ENOX1: variants seen among roughly 807,000 people sequenced by gnomAD.
ENOX1 encodes ecto-NOX disulfide-thiol exchanger 1, also known as candidate growth-related and time keeping constitutive hydroquinone (NADH) oxidase.
A neutral mutation model predicts 82.5 loss-of-function variants in ENOX1; 42 were observed. That is an observed-to-expected ratio of 0.51 (90% CI 0.40 to 0.66). The LOEUF (loss-of-function observed/expected upper bound fraction) is 0.66. Ranked by LOEUF, ENOX1 falls within the 30% of genes least tolerant of loss-of-function variation. The pLI is 0.00. For synonymous variants in ENOX1, 271 were observed against 282.2 expected (o/e 0.96, Z 0.40); for missense variants, 608 against 811.6 (o/e 0.75, Z 3.05).
intron 5 of ENOX1, among the ~76,000 whole-genome samples, chr13:43,398,066 C>T (rs1304327970): frequency 2.6e-5 from 4 of 152,166 alleles, no homozygotes; most frequent in Non-Finnish European, 5.9e-5. Context: ...AAGGCTCTGC[C>T]TTTATGACTT....
At chr13:43,513,893 A>C (rs1339400405) in intron 2 of ENOX1, among the ~76,000 whole-genome samples, 1 of 152,176 alleles carries the variant, frequency 6.6e-6, no homozygotes, top group Non-Finnish European at 1.5e-5. Flanking sequence ...CAAAACTATG[A>C]TTCTGCATTA....
chr13:43,622,120 G>T (rs9567236), intron 2 of ENOX1, among the ~76,000 whole-genome samples: 111,432 of 151,964 alleles, frequency 0.73, 41,030 homozygotes, highest in East Asian at 0.95. Flanking sequence ...AAGCTATCTA[G>T]TTCCTTGAAT....
intron 3 of ENOX1, among the ~76,000 whole-genome samples, chr13:43,439,986 T>C (rs1190050807): frequency 6.6e-6 from 1 of 152,242 alleles, no homozygotes; most frequent in African/African-American, 2.4e-5. Context: ...CATGTTTATA[T>C]ATATGTATAT....
intron 8 of ENOX1, among the ~76,000 whole-genome samples, chr13:43,348,108 T>C (rs2049515218): frequency 6.6e-6 from 1 of 152,226 alleles, no homozygotes; most frequent in Non-Finnish European, 1.5e-5. Flanking sequence ...GCACTTATCC[T>C]TGGGTCTCTC....
chr13:43,776,823 GA>G (rs372000193), intron 1 of ENOX1, among the ~76,000 whole-genome samples: 7,243 of 139,592 alleles, frequency 0.052, 148 homozygotes, highest in East Asian at 0.086. Flanking sequence ...CACAGCTAGG[GA>G]AAAAAAAAAA....
At chr13:43,464,170 G>T (rs908047023) in intron 3 of ENOX1, among the ~76,000 whole-genome samples, 43 of 152,204 alleles carry the variant, frequency 2.8e-4, no homozygotes, top group African/African-American at 9.4e-4. Context: ...GCTTGAGAAT[G>T]GTCTTCCAAG....
At chr13:43,709,928 GTTT>G (rs2087575598) in intron 1 of ENOX1, among the ~76,000 whole-genome samples, 1 of 152,066 alleles carries the variant, frequency 6.6e-6, no homozygotes, top group South Asian at 2.1e-4. Context: ...TTGCCAGTGA[GTTT>G]TACTTTCAAC....
chr13:43,314,815 A>G (rs2047390327), intron 11 of ENOX1, among the ~76,000 whole-genome samples: 1 of 152,214 alleles, frequency 6.6e-6, no homozygotes, highest in African/African-American at 2.4e-5. Context: ...GGGACCTAAA[A>G]GATGCCTTTG....
intron 14 of ENOX1, 84 bp from the exon 15 acceptor site, chr13:43,236,822 C>A: frequency 1.6e-6 from 1 of 632,514 alleles, no homozygotes. Context: ...CTCTTAAACT[C>A]TATAAATAAG....
intron 5 of ENOX1, among the ~76,000 whole-genome samples, chr13:43,398,535 T>C (rs2053291430): frequency 6.6e-6 from 1 of 152,156 alleles, no homozygotes; most frequent in African/African-American, 2.4e-5. Flanking sequence ...TAATTGACTC[T>C]TGAAGAACAT....
rs566738571 is a variant in ENOX1 at position 43,748,840 on chromosome 13, A to C, written c.-285+37812T>G. On this transcript the variant is annotated intron_variant, in intron 1 of 16. Transcript: ENST00000690772. ...TGAGTCTTTAAGATGATTTCTTTAA[A>C]GTATTCTATAATTAAAAGATAAGAG... Among the ~76,000 whole-genome samples the C allele has an allele frequency of 9.2e-5, 14 of 152,316 alleles. No individual in the cohort carries two copies. In the East Asian group the frequency reaches 2.5e-3, roughly 27 times the overall value.
At chr13:43,779,141 T>C (rs1952093322) in intron 1 of ENOX1, among the ~76,000 whole-genome samples, 1 of 149,412 alleles carries the variant, frequency 6.7e-6, no homozygotes, top group Admixed American at 6.7e-5. Flanking sequence ...TCAGTAGGTC[T>C]CTATCACCTG....
chr13:43,361,670 T>C (rs1191971034), intron 5 of ENOX1, among the ~76,000 whole-genome samples: 2 of 152,156 alleles, frequency 1.3e-5, no homozygotes, highest in African/African-American at 4.8e-5. Context: ...TTATATTACT[T>C]AAAATATTAA....
intron 2 of ENOX1, among the ~76,000 whole-genome samples, chr13:43,570,718 A>G (rs909468790): frequency 5.3e-5 from 8 of 152,176 alleles, no homozygotes; most frequent in African/African-American, 1.9e-4. Context: ...CAGACTCATT[A>G]CAGAAACTGT....
At chr13:43,437,772 C>A (rs956354587) in intron 3 of ENOX1, among the ~76,000 whole-genome samples, 1 of 152,082 alleles carries the variant, frequency 6.6e-6, no homozygotes, top group Non-Finnish European at 1.5e-5. Context: ...TGTGCAGCAC[C>A]ATTTTAAATT....
At chr13:43,244,818 G>A (rs781265994) in intron 14 of ENOX1, among the ~76,000 whole-genome samples, 2 of 152,134 alleles carry the variant, frequency 1.3e-5, no homozygotes, top group Non-Finnish European at 2.9e-5. Context: ...TTCCTTCCCT[G>A]CCTGCTTGTT....
At chr13:43,700,687 C>CA (rs1210171174) in intron 1 of ENOX1, among the ~76,000 whole-genome samples, 1 of 152,046 alleles carries the variant, frequency 6.6e-6, no homozygotes, top group Non-Finnish European at 1.5e-5. Flanking sequence ...CCCTTTAAAT[C>CA]AAAATCTTAA....
rs542467626 is a variant in ENOX1, at chr13:43,633,826, A to G, written c.-219+33653T>C. ...TGAGGTTAGAGAGTAAAAAGAGCTT[A>G]TAACTTTTAAATCTAAGTATTTCTA... On this transcript the variant is annotated intron_variant, in intron 2 of 16. Transcript: ENST00000690772. 1.4e-3 allele frequency among the ~76,000 whole-genome samples: 217 copies of G among 152,154 alleles called. 1 individual carries two copies. Among genetic ancestry groups the G allele is most frequent in the African/African-American group, 4.9e-3 (203 of 41,534 alleles).
chr13:43,247,855 ATATATATATATATATATATATATATATAT>A (rs1415157441), intron 14 of ENOX1, among the ~76,000 whole-genome samples: 3 of 5,356 alleles, frequency 5.6e-4, no homozygotes, highest in Non-Finnish European at 8.0e-4. Context: ...ATATATATAT[ATATATATATATATATATATATATATATAT>A]TTTTTTTTTT....
Sources: allele counts gnomAD v4.1 joint callset (sites outside exome capture counted in the v4.1 genomes callset), GRCh38; gene constraint gnomAD v4.1.1; transcripts MANE v1.5; gene names NCBI Gene and HGNC (gene_info 2026-07-23, HGNC 2026-07-21).